The following CDH18 variants were observed in gnomAD, a reference collection of about 807,000 sequenced individuals.
The protein encoded by CDH18 is cadherin-18.
A neutral mutation model predicts 67.9 loss-of-function variants in CDH18; 31 were observed. The observed-to-expected ratio is 0.46, with a 90% CI of 0.34 to 0.62. CDH18 has a LOEUF of 0.62. CDH18 is among the 20% of genes least tolerant of loss of function. CDH18 has a pLI of 0.01. For synonymous variants in CDH18, 362 were observed against 347.2 expected, an observed-to-expected ratio of 1.04 and a Z score of -0.48; for missense variants, 890 against 975.5, an observed-to-expected ratio of 0.91 and a Z score of 1.17.
chr5:19,670,073 G>A (rs1339739411), intron 5 of CDH18, among the ~76,000 whole-genome samples: 1 of 151,968 alleles, frequency 6.6e-6, no homozygotes, highest in Non-Finnish European at 1.5e-5. Context: ...GAGTGGGAAT[G>A]AACTAGGAAA....
At chr5:19,540,945 G>A (rs1358008869) in intron 9 of CDH18, among the ~76,000 whole-genome samples, 3 of 152,114 alleles carry the variant, frequency 2.0e-5, no homozygotes, top group Admixed American at 6.5e-5. Context: ...CAGCAGGCTC[G>A]AATTTCTTCC....
rs908378871 is a variant in CDH18 at position 19,558,877 on chromosome 5, G to A, written c.1253+12702C>T. Among the ~76,000 whole-genome samples the A allele has an allele frequency of 4.0e-5, 6 of 151,752 alleles. No individual in the cohort carries two copies. In the South Asian group the frequency reaches 6.2e-4, roughly 16 times the overall value. On this transcript the variant is annotated intron_variant, in intron 8 of 12. Coordinates refer to ENST00000382275, the MANE Select transcript of CDH18 (RefSeq NM_004934.5). ...ATACTACAGACCAATACACAGACCCGGATGAACATATATGCATCAGACCCT... is the reference window on the plus strand; with the variant it reads ...ATACTACAGACCAATACACAGACCCAGATGAACATATATGCATCAGACCCT...
rs1333395032 is a variant in CDH18, at chr5:19,994,758, G to T, written c.-517-2744C>A. Among the ~76,000 whole-genome samples the T allele has an allele frequency of 8.7e-3, 593 of 67,808 alleles. 13 individuals carry two copies. The highest frequency in any genetic ancestry group is 0.011 in the Non-Finnish European group (389 of 35,620). The allele number at this position is 67,808 out of a possible 152,430, so 44.5% of individuals were successfully genotyped here. A position where few individuals can be genotyped will look rare whatever the true frequency, so the allele number is the denominator to read the frequency against. On this transcript the variant is annotated intron_variant, in intron 2 of 14. Coordinates refer to the CDH18 transcript ENST00000507958. ...ATATATAGAGAGAGAGAGAGAGAGA[G>T]AGAGAGAGAGAGAGAGAGAGAGAGA...
chr5:19,572,605 G>C (rs1464373101), intron 7 of CDH18, among the ~76,000 whole-genome samples: 1 of 152,022 alleles, frequency 6.6e-6, no homozygotes, highest in African/African-American at 2.4e-5. Context: ...CCTCTTTCTG[G>C]TTTACAGACG....
chr5:20,493,675 T>C (rs1753728633), intron 1 of CDH18, among the ~76,000 whole-genome samples: 1 of 152,068 alleles, frequency 6.6e-6, no homozygotes, highest in African/African-American at 2.4e-5. Flanking sequence ...GGGAGCATGT[T>C]TTTTCCTCTT....
At chr5:19,481,447 C>T (rs548837520) in intron 12 of CDH18, among the ~76,000 whole-genome samples, 160 of 152,312 alleles carry the variant, frequency 1.1e-3, no homozygotes, top group African/African-American at 3.5e-3. Flanking sequence ...TACTCTAACA[C>T]GTACTGTGTC....
At chr5:20,016,636 A>C (rs1263001400) in intron 2 of CDH18, among the ~76,000 whole-genome samples, 5 of 152,182 alleles carry the variant, frequency 3.3e-5, no homozygotes, top group African/African-American at 1.2e-4. Flanking sequence ...TTGAGGCAGA[A>C]GTCATGAAAG....
intron 1 of CDH18, among the ~76,000 whole-genome samples, chr5:20,563,028 G>C (rs1758308983): frequency 6.7e-6 from 1 of 150,064 alleles, no homozygotes; most frequent in African/African-American, 2.5e-5. Flanking sequence ...AACTAATCTA[G>C]ATCATTTTTT....
intron 2 of CDH18, among the ~76,000 whole-genome samples, chr5:20,217,361 AG>A (rs1740863764): frequency 6.6e-6 from 1 of 151,920 alleles, no homozygotes; most frequent in Non-Finnish European, 1.5e-5. Flanking sequence ...CAGAAATAAA[AG>A]GGAAAAAGCA....
intron 5 of CDH18, among the ~76,000 whole-genome samples, chr5:19,616,215 C>T: frequency 6.6e-6 from 1 of 152,002 alleles, no homozygotes; most frequent in East Asian, 1.9e-4. Flanking sequence ...TCTCACAATG[C>T]TTAGCATAAT....
intron 8 of CDH18, among the ~76,000 whole-genome samples, chr5:19,567,598 C>T (rs1740652503): frequency 6.6e-6 from 1 of 152,030 alleles, no homozygotes; most frequent in South Asian, 2.1e-4. Context: ...TTTTTATTCA[C>T]TATTTGCACC....
chr5:20,433,546 A>G (rs1475634013), intron 1 of CDH18, among the ~76,000 whole-genome samples: 2 of 152,036 alleles, frequency 1.3e-5, no homozygotes, highest in Non-Finnish European at 2.9e-5. Flanking sequence ...TTGTAATGTA[A>G]AAGAAGGTGT....
At position 19,674,814 on chromosome 5, in the gene CDH18, G is replaced by A. The variant is rs114756058; in HGVS notation, c.643+46533C>T. ...TAGCTTTTTAACACACCGGTTTATC[G>A]TTACACAAATCTAGACCATTGACAT... On this transcript the variant is annotated intron_variant, in intron 5 of 12. Transcript: ENST00000382275. 4.0e-3 allele frequency among the ~76,000 whole-genome samples: 607 copies of A among 152,060 alleles called. 4 individuals carry two copies. The highest frequency in any genetic ancestry group is 0.014 in the African/African-American group (568 of 41,488).
intron 6 of CDH18, among the ~76,000 whole-genome samples, chr5:19,592,010 G>T (rs1055808575): frequency 2.0e-5 from 3 of 152,048 alleles, no homozygotes; most frequent in Non-Finnish European, 2.9e-5. Flanking sequence ...GGTGATTATT[G>T]TTCTCTAAGT....
chr5:20,432,674 T>G (rs796844194), intron 1 of CDH18, among the ~76,000 whole-genome samples: 23 of 152,168 alleles, frequency 1.5e-4, no homozygotes, highest in African/African-American at 5.5e-4. Flanking sequence ...CTTTCTGTGT[T>G]GCCTGTATCT....
chr5:19,639,575 G>A (rs1157568315), intron 5 of CDH18, among the ~76,000 whole-genome samples: 1 of 152,146 alleles, frequency 6.6e-6, no homozygotes, highest in East Asian at 1.9e-4. Flanking sequence ...ACAACCACTT[G>A]CATGCTGGGA....
chr5:19,734,581 C>T (rs531160225), intron 4 of CDH18, among the ~76,000 whole-genome samples: 3 of 152,190 alleles, frequency 2.0e-5, no homozygotes, highest in South Asian at 4.2e-4. Context: ...AAGACTCTTC[C>T]TTGTTTTGAA....
At chr5:19,987,536 G>GA (rs1020540507) in intron 1 of CDH18, among the ~76,000 whole-genome samples, 57 of 140,820 alleles carry the variant, frequency 4.0e-4, no homozygotes, top group South Asian at 1.8e-3. Flanking sequence ...TTCGTGGGAA[G>GA]AAAAAAAAAA....
intron 8 of CDH18, among the ~76,000 whole-genome samples, chr5:19,555,855 C>T (rs12652519): frequency 3.3e-5 from 5 of 152,100 alleles, no homozygotes; most frequent in Non-Finnish European, 5.9e-5. Context: ...AACCAAGGAC[C>T]CTCACAGAGT....
Sources: allele counts gnomAD v4.1 joint callset (sites outside exome capture counted in the v4.1 genomes callset), GRCh38; gene constraint gnomAD v4.1.1; transcripts MANE v1.5; gene names NCBI Gene and HGNC (gene_info 2026-07-23, HGNC 2026-07-21).